VEZT: variants seen among roughly 807,000 people sequenced by gnomAD.
VEZT encodes the protein vezatin.
In VEZT, 39 loss-of-function variants were observed where a neutral mutation model predicts 79.9. The observed-to-expected ratio is 0.49, with a 90% CI of 0.38 to 0.64. VEZT has a LOEUF of 0.64. VEZT is among the 30% of genes least tolerant of loss of function. The pLI, the probability that VEZT is intolerant of heterozygous loss-of-function variation, is 0.00. For synonymous variants in VEZT, 325 were observed against 327.6 expected (o/e 0.99, Z 0.09); for missense variants, 837 against 893.1 (o/e 0.94, Z 0.80).
chr12:95,256,454 A>G (rs1008982062), intron 2 of VEZT: 24 of 622,680 alleles, frequency 3.9e-5, no homozygotes, highest in African/African-American at 7.8e-5. Context: ...CAGACTTTAC[A>G]TTGATTGTAA....
intron 2 of VEZT, chr12:95,256,493 A>G (rs1018830362): frequency 8.6e-6 from 8 of 927,290 alleles, no homozygotes; most frequent in Non-Finnish European, 1.2e-5. Flanking sequence ...CTTCTATACT[A>G]AGTTCTTGAA....
intron 1 of VEZT, among the ~76,000 whole-genome samples, chr12:95,236,614 A>G (rs532235314): frequency 6.7e-6 from 1 of 149,956 alleles, no homozygotes; most frequent in African/African-American, 2.5e-5. Context: ...TCTGTTGCGC[A>G]GGCTGGAGTG....
chr12:95,228,380 T>C (rs1203940928), intron 1 of VEZT, among the ~76,000 whole-genome samples: 4 of 152,236 alleles, frequency 2.6e-5, no homozygotes, highest in Admixed American at 2.0e-4. Context: ...ACTTGTATTA[T>C]TGATTTGACC....
Position 95,294,297 on chromosome 12 carries a change from C to T in VEZT, c.1548C>T (p.Asn516=), listed in dbSNP as rs747337336. The T allele has an allele frequency of 1.2e-5, 19 of 1,591,120 alleles. No homozygotes were observed. In the East Asian group the frequency reaches 4.1e-4, roughly 34 times the overall value. Residue 516 remains asparagine (N), a synonymous_variant, in exon 10 of 12, where the codon AAC becomes AAT. Transcript: ENST00000436874. ...GCAAGCCTGAAATAGCATGTGAAAA[C>T]CCACATTGTACAGTAGTACCTTTGA... ...KKGKPEIACE[N]PHCTVVPLKQ...
At chr12:95,218,952 G>A (rs2057139453) in intron 1 of VEZT, among the ~76,000 whole-genome samples, 1 of 152,196 alleles carries the variant, frequency 6.6e-6, no homozygotes, top group Non-Finnish European at 1.5e-5. Flanking sequence ...TTTAGGGGGC[G>A]GGGTGTGGAG....
intron 1 of VEZT, among the ~76,000 whole-genome samples, chr12:95,235,612 C>G (rs1428404964): frequency 2.8e-4 from 35 of 125,220 alleles, no homozygotes; most frequent in Middle Eastern, 6.4e-3. Context: ...CCCAGTAGGG[C>G]CGGCCGGGCA....
chr12:95,248,852 A>G (rs1257809566), intron 1 of VEZT, among the ~76,000 whole-genome samples: 1 of 151,918 alleles, frequency 6.6e-6, no homozygotes, highest in East Asian at 1.9e-4. Context: ...AGAAAGAAAA[A>G]GAAAAACAGA....
At chr12:95,294,116 G>C in intron 9 of VEZT, 156 bp from the exon 10 acceptor site, 1 of 552,810 alleles carries the variant, frequency 1.8e-6, no homozygotes, top group African/African-American at 1.9e-5. Context: ...TGAACTCCTG[G>C]GCTCAAGCGA....
At position 95,286,378 on chromosome 12, in the gene VEZT, A is replaced by C. The variant is rs889874351; in HGVS notation, c.1329-1286A>C. 1.0e-5 allele frequency: 5 copies of C among 496,784 alleles called. No homozygotes were observed. The Admixed American group carries it at 1.2e-4, about 12-fold the overall frequency. The allele number at this position is 496,784 out of a possible 1,614,324, so 30.8% of individuals were successfully genotyped here. ...AGCAATTTCAATTTGAGGATACTTC[A>C]TATTTGCCTTTTGTGCCAGCACCAA... On this transcript the variant is annotated intron_variant, in intron 8 of 11. Coordinates refer to ENST00000436874, the MANE Select transcript of VEZT (RefSeq NM_017599.4).
chr12:95,276,424 C>G (rs773446463), intron 7 of VEZT, among the ~76,000 whole-genome samples: 3 of 151,582 alleles, frequency 2.0e-5, no homozygotes, highest in Non-Finnish European at 2.9e-5. Context: ...TACATGCCTC[C>G]ACACCCGGCT....
At chr12:95,296,399 G>A (rs1431492650) in intron 11 of VEZT, 141 bp downstream of exon 11, 2 of 606,178 alleles carry the variant, frequency 3.3e-6, no homozygotes, top group Non-Finnish European at 5.2e-6. Flanking sequence ...TCTTCTAGAT[G>A]CTAAATCAAT....
chr12:95,221,533 C>CA (rs35316329), intron 1 of VEZT, among the ~76,000 whole-genome samples: 16,956 of 141,232 alleles, frequency 0.12, 1,031 homozygotes, highest in East Asian at 0.26. Flanking sequence ...GATTCCATCT[C>CA]AAAAAAAAAA....
chr12:95,233,382 T>C (rs1476402681), intron 1 of VEZT, among the ~76,000 whole-genome samples: 1 of 152,068 alleles, frequency 6.6e-6, no homozygotes, highest in African/African-American at 2.4e-5. Context: ...ATTTTCTTTT[T>C]TAAATTATTT....
chr12:95,255,788 C>A (rs924524413), intron 2 of VEZT, among the ~76,000 whole-genome samples: 4 of 152,166 alleles, frequency 2.6e-5, no homozygotes, highest in African/African-American at 9.7e-5. Flanking sequence ...AGTTTAGCCC[C>A]TGCACTATTG....
At chr12:95,244,219 C>T (rs1379810404) in intron 1 of VEZT, among the ~76,000 whole-genome samples, 3 of 151,542 alleles carry the variant, frequency 2.0e-5, no homozygotes, top group Non-Finnish European at 4.4e-5. Context: ...ATAGTGAGAC[C>T]CTGTCTCTAA....
At position 95,266,530 on chromosome 12, in the gene VEZT, A is replaced by T; in HGVS notation, c.608A>T (p.His203Leu). 1.2e-6 allele frequency: 2 copies of T among 1,613,948 alleles called. No individual in the cohort carries two copies. The highest frequency in any genetic ancestry group is 1.7e-6 in the Non-Finnish European group (2 of 1,179,872). The change falls in exon 5 of 12, where the codon CAT becomes CTT. Residue 203 changes from histidine (H) to leucine (L), a missense_variant. By Grantham distance (99) the His-to-Leu change is moderately conservative. Transcript: ENST00000436874. Reference sequence around the variant, plus strand: ...GTGACCCTAAAAAAATACAGCGTTCATTTGGAAGATATGGCCACAAACAGC... The same window carrying T: ...GTGACCCTAAAAAAATACAGCGTTCTTTTGGAAGATATGGCCACAAACAGC... ...LQVTLKKYSVHLEDMATNSRA... is the reference protein window; with the variant it reads ...LQVTLKKYSVLLEDMATNSRA...
intron 3 of VEZT, among the ~76,000 whole-genome samples, chr12:95,259,476 A>G (rs2064013230): frequency 6.6e-6 from 1 of 152,160 alleles, no homozygotes; most frequent in Non-Finnish European, 1.5e-5. Context: ...TAATCCTCAT[A>G]ACAACCCTGT....
chr12:95,218,441 T>G (rs1442203461), intron 1 of VEZT: 1 of 152,250 alleles, frequency 6.6e-6, no homozygotes, highest in Admixed American at 6.5e-5. Flanking sequence ...GATTCTTTTG[T>G]CCTTTGCTGT....
intron 1 of VEZT, among the ~76,000 whole-genome samples, chr12:95,247,132 C>T (rs2061832965): frequency 6.6e-6 from 1 of 152,140 alleles, no homozygotes; most frequent in African/African-American, 2.4e-5. Context: ...ACATTATTTG[C>T]CTTTGTCACT....
Sources: gnomAD v4.1 joint callset for allele counts (sites outside exome capture counted in the v4.1 genomes callset) on GRCh38, gnomAD v4.1.1 for gene constraint, MANE v1.5 for transcripts, NCBI Gene and HGNC (gene_info 2026-07-23, HGNC 2026-07-21) for gene names.